The following COL4A5 variants were observed in gnomAD, a reference collection of about 807,000 sequenced individuals.
COL4A5 encodes the protein collagen type IV alpha 5 chain.
In COL4A5, 26 loss-of-function variants were observed where a neutral mutation model predicts 130.2. The ratio of observed to expected loss-of-function variants is 0.20; its 90% confidence interval spans 0.15 to 0.28. The LOEUF (loss-of-function observed/expected upper bound fraction) is 0.28, where lower values mean the gene tolerates loss of function less well. COL4A5 is among the 10% of genes least tolerant of loss of function. The pLI, the probability that COL4A5 is intolerant of heterozygous loss-of-function variation, is 1.00. For synonymous variants in COL4A5, 496 were observed against 439.6 expected, an observed-to-expected ratio of 1.13 and a Z score of -1.60; for missense variants, 1,131 against 1,344.3, an observed-to-expected ratio of 0.84 and a Z score of 2.48.
chrX:108,451,517 A>G (rs2064512252), intron 1 of COL4A5, among the ~76,000 whole-genome samples: 1 of 111,536 alleles, frequency 9.0e-6, no homozygotes, highest in Non-Finnish European at 1.9e-5. Context: ...CTGTTTTCTG[A>G]CTTTTTAATG....
chrX:108,660,001 A>G (rs1041420778), intron 37 of COL4A5, among the ~76,000 whole-genome samples: 3 of 110,242 alleles, frequency 2.7e-5, no homozygotes, highest in African/African-American at 6.6e-5. Context: ...ATTCCATTCT[A>G]TCTCCTCTAT....
At chrX:108,456,251 G>A (rs2064583968) in intron 1 of COL4A5, among the ~76,000 whole-genome samples, 1 of 111,336 alleles carries the variant, frequency 9.0e-6, no homozygotes, top group Non-Finnish European at 1.9e-5. Context: ...TTGCTAAGAT[G>A]TAGAGATGTG....
chrX:108,590,712 G>A (rs2066417581), intron 19 of COL4A5, among the ~76,000 whole-genome samples: 1 of 111,660 alleles, frequency 9.0e-6, no homozygotes, highest in African/African-American at 3.2e-5. Flanking sequence ...AAGAATGTCC[G>A]GAAACAGAGC....
chrX:108,550,711 T>G (rs1387391674), intron 2 of COL4A5, among the ~76,000 whole-genome samples: 1 of 111,881 alleles, frequency 8.9e-6, no homozygotes, highest in Non-Finnish European at 1.9e-5. Context: ...GTATCCGTAT[T>G]GAAAAGGAAG....
At chrX:108,529,097 A>G (rs2147628571) in intron 1 of COL4A5, among the ~76,000 whole-genome samples, 2 of 111,859 alleles carry the variant, frequency 1.8e-5, no homozygotes, top group South Asian at 7.5e-4. Context: ...ATGAAACCCT[A>G]TCAAATTAAC....
chrX:108,455,314 C>T (rs2064573280), intron 1 of COL4A5, among the ~76,000 whole-genome samples: 1 of 112,134 alleles, frequency 8.9e-6, no homozygotes, highest in Non-Finnish European at 1.9e-5. Flanking sequence ...TGTATTGATA[C>T]ACCACACTGT....
intron 2 of COL4A5, among the ~76,000 whole-genome samples, chrX:108,553,817 A>G (rs1017460083): frequency 1.9e-4 from 21 of 111,943 alleles, no homozygotes; most frequent in African/African-American, 6.8e-4. Context: ...AACTGGAAAC[A>G]ACTCAACTTC....
In COL4A5 at chrX:108,682,036, C is replaced by T. The variant is rs6622341; in HGVS notation, c.4216+148C>T. The stretch of plus-strand genomic sequence containing the variant: ...CCCATCATCTACGTTAGATATTTCT[C>T]CTAATGCTATCCCTCCTCTAGCCCC... On this transcript the variant is annotated intron_variant, in intron 47 of 52. Coordinates refer to ENST00000328300, the MANE Select transcript of COL4A5 (RefSeq NM_033380.3). The T allele has an allele frequency of 1.6e-3, 904 of 560,577 alleles. 10 individuals are homozygous for T. In the East Asian group the frequency reaches 0.033, roughly 20 times the overall value. The allele number at this position is 560,577 out of a possible 1,213,427, so 46.2% of individuals were successfully genotyped here.
intron 47 of COL4A5, among the ~76,000 whole-genome samples, chrX:108,682,329 A>G (rs1343573449): frequency 8.9e-6 from 1 of 111,941 alleles, no homozygotes; most frequent in South Asian, 3.7e-4. Context: ...AGTCTTTGCT[A>G]TTGTGAACAG....
intron 1 of COL4A5, among the ~76,000 whole-genome samples, chrX:108,480,190 C>T (rs2064875167): frequency 8.9e-6 from 1 of 111,958 alleles, no homozygotes; most frequent in South Asian, 3.7e-4. Flanking sequence ...GTGTTGGCTC[C>T]AAAATCCAAA....
intron 36 of COL4A5, among the ~76,000 whole-genome samples, chrX:108,650,346 A>G (rs188560423): frequency 5.8e-4 from 65 of 111,479 alleles, no homozygotes; most frequent in African/African-American, 2.1e-3. Flanking sequence ...TAGTACAGCT[A>G]CTCTCGAAAA....
In COL4A5 at chrX:108,626,126, CTT is replaced by C. The variant is rs768937699; in HGVS notation, c.3107-80_3107-79del. 31 of 973,250 alleles carry C rather than the reference CTT, an allele frequency of 3.2e-5. 1 individual carries two copies. In the South Asian group the frequency reaches 6.6e-4, roughly 21 times the overall value. 80.2% of individuals were successfully genotyped at this position (973,250 alleles called of 1,213,427 possible). ...AGAGTTTGCGGAGCTTTTTAAAAAT[CTT>C]TTTGCTTTGTCATATGCATCTTAGA... On this transcript the variant is annotated intron_variant, in intron 35 of 52. Coordinates refer to ENST00000328300, the MANE Select transcript of COL4A5 (RefSeq NM_033380.3).
At chrX:108,562,478 A>G (rs2065911347) in intron 3 of COL4A5, among the ~76,000 whole-genome samples, 1 of 112,251 alleles carries the variant, frequency 8.9e-6, no homozygotes, top group Non-Finnish European at 1.9e-5. Flanking sequence ...AGTATTAACT[A>G]GGACTATTCT....
At chrX:108,652,686 A>G (rs1310786399) in intron 36 of COL4A5, among the ~76,000 whole-genome samples, 2 of 112,330 alleles carry the variant, frequency 1.8e-5, no homozygotes, top group Admixed American at 1.9e-4. Context: ...GAGATTGGCT[A>G]TGATCCAAAT....
At chrX:108,473,633 A>ATATATATTTTTTTTT in intron 1 of COL4A5, among the ~76,000 whole-genome samples, 6 of 34,559 alleles carry the variant, frequency 1.7e-4, no homozygotes, top group African/African-American at 6.5e-4. Context: ...ATATATATAT[A>ATATATATTTTTTTTT]TTTTTTTTTT....
intron 1 of COL4A5, among the ~76,000 whole-genome samples, chrX:108,501,445 G>A (rs759150849): frequency 5.4e-5 from 6 of 111,498 alleles, no homozygotes; most frequent in Middle Eastern, 4.6e-3. Context: ...GTTTTGATAA[G>A]GTACTAAATT....
chrX:108,530,396 A>G (rs1470706561), intron 1 of COL4A5, among the ~76,000 whole-genome samples: 2 of 109,947 alleles, frequency 1.8e-5, no homozygotes, highest in Admixed American at 9.8e-5. Flanking sequence ...AGCAAAAGAA[A>G]CTACCATCAG....
chrX:108,573,146 AT>A (rs1399133059), intron 8 of COL4A5, among the ~76,000 whole-genome samples: 2 of 106,701 alleles, frequency 1.9e-5, no homozygotes, highest in African/African-American at 3.4e-5. Flanking sequence ...TTATTGTACC[AT>A]GTTATTTTTC....
chrX:108,620,539 G>A, intron 31 of COL4A5, 113 bp downstream of exon 31: 1 of 626,086 alleles, frequency 1.6e-6, no homozygotes, highest in Non-Finnish European at 2.5e-6. Flanking sequence ...CCTTAAGGAT[G>A]AGCATTAAAT....
Sources: gnomAD v4.1 joint callset for allele counts (sites outside exome capture counted in the v4.1 genomes callset) on GRCh38, gnomAD v4.1.1 for gene constraint, MANE v1.5 for transcripts, NCBI Gene and HGNC (gene_info 2026-07-23, HGNC 2026-07-21) for gene names.